ARMC2: variants seen among roughly 807,000 people sequenced by gnomAD.
ARMC2 encodes armadillo repeat containing 2.
ARMC2 carries 67 observed loss-of-function variants against 90.3 expected under a neutral mutation model. The ratio of observed to expected loss-of-function variants is 0.74; its 90% confidence interval spans 0.61 to 0.91. The LOEUF is 0.91. Ranked by LOEUF, ARMC2 falls within the 40% of genes least tolerant of loss-of-function variation. The pLI is 0.00. For synonymous variants in ARMC2, 393 were observed against 393.0 expected (o/e 1.00, Z 0.00); for missense variants, 920 against 1,030.9 (o/e 0.89, Z 1.47).
rs77667797 is a variant in ARMC2, at chr6:108,874,429, A to G, written c.464-1714A>G. Among the ~76,000 whole-genome samples the G allele has an allele frequency of 5.7e-3, 866 of 152,312 alleles. 11 individuals carry two copies. Among genetic ancestry groups the G allele is most frequent in the African/African-American group, 0.02 (831 of 41,544 alleles). The stretch of plus-strand genomic sequence containing the variant: ...TGAGAGAAACGAATGCTAAAAGATA[A>G]CGGTAGGCTAAAAATACTTTGTAAT... On this transcript the variant is annotated intron_variant, in intron 4 of 17. Coordinates refer to ENST00000392644, the MANE Select transcript of ARMC2 (RefSeq NM_032131.6).
intron 8 of ARMC2, chr6:108,907,658 G>A: frequency 6.2e-7 from 1 of 1,600,046 alleles, no homozygotes; most frequent in Non-Finnish European, 8.5e-7. Flanking sequence ...GTAGGAAAAG[G>A]AGTAGCTGAA....
At chr6:108,906,597 C>T (rs1483281405) in intron 8 of ARMC2, among the ~76,000 whole-genome samples, 2 of 152,092 alleles carry the variant, frequency 1.3e-5, no homozygotes, top group African/African-American at 2.4e-5. Flanking sequence ...CCTTCTGCCT[C>T]AGCCTCCCGA....
Position 108,945,207 on chromosome 6 carries a change from A to G in ARMC2, c.1597-7826A>G, listed in dbSNP as rs546812175. ...CGAAGGAGGGAGTGGGGTTGCTATCAGCCTTTGGGAGGCAGAGCCTGCCTC... is the reference window on the plus strand; with the variant it reads ...CGAAGGAGGGAGTGGGGTTGCTATCGGCCTTTGGGAGGCAGAGCCTGCCTC... On this transcript the variant is annotated intron_variant, in intron 12 of 17. Transcript: ENST00000392644. 1.3e-4 allele frequency among the ~76,000 whole-genome samples: 20 copies of G among 152,226 alleles called. 1 individual carries two copies. The highest frequency in any genetic ancestry group is 4.6e-4 in the African/African-American group (19 of 41,552).
intron 8 of ARMC2, chr6:108,907,482 G>GT: frequency 3.2e-6 from 1 of 308,750 alleles, no homozygotes. Flanking sequence ...TTTTTTACCA[G>GT]TCATCTTTTA....
the ARMC2 span, chr6:108,990,894 A>G: frequency 4.2e-6 from 6 of 1,421,556 alleles, no homozygotes; most frequent in Admixed American, 5.5e-5. Context: ...TTCTATATCT[A>G]TAGCTCTGTA....
the ARMC2 span, chr6:108,988,329 C>T: frequency 1.2e-4 from 50 of 405,236 alleles, no homozygotes; most frequent in Non-Finnish European, 1.8e-4. Flanking sequence ...CTTCTGAAGA[C>T]GGGCCAGCCC....
the ARMC2 span, among the ~76,000 whole-genome samples, chr6:109,020,944 C>A: frequency 6.6e-6 from 1 of 152,134 alleles, no homozygotes; most frequent in Non-Finnish European, 1.5e-5. Context: ...TAAAGTAGAA[C>A]AGTTTGCTTT....
intron 1 of ARMC2, among the ~76,000 whole-genome samples, chr6:108,851,337 TC>T (rs904624112): frequency 2.0e-5 from 3 of 152,196 alleles, no homozygotes; most frequent in Admixed American, 6.5e-5. Flanking sequence ...CCTGATGTCT[TC>T]CCCCAATCAG....
chr6:108,892,920 A>G (rs937202428), intron 5 of ARMC2, among the ~76,000 whole-genome samples: 2 of 152,254 alleles, frequency 1.3e-5, no homozygotes, highest in Non-Finnish European at 2.9e-5. Flanking sequence ...CCACGGGCAC[A>G]TACAGATGTT....
chr6:109,000,467 A>C, the ARMC2 span: 1 of 1,464,888 alleles, frequency 6.8e-7, no homozygotes, highest in Admixed American at 2.3e-5. Context: ...AATGACTCCC[A>C]AGATATATTA....
the ARMC2 span, among the ~76,000 whole-genome samples, chr6:109,034,608 A>G: frequency 1.3e-5 from 2 of 152,214 alleles, no homozygotes; most frequent in Non-Finnish European, 2.9e-5. Flanking sequence ...TGAAGACCAT[A>G]TTATCCAGCT....
chr6:108,858,905 A>T (rs985318739), intron 3 of ARMC2, among the ~76,000 whole-genome samples: 1 of 152,156 alleles, frequency 6.6e-6, no homozygotes, highest in Non-Finnish European at 1.5e-5. Context: ...ACTTCTAAGG[A>T]AGATGAAGAT....
the ARMC2 span, among the ~76,000 whole-genome samples, chr6:108,991,154 C>T: frequency 6.6e-6 from 1 of 152,186 alleles, no homozygotes; most frequent in African/African-American, 2.4e-5. Flanking sequence ...CACTCAGCCC[C>T]CCAGATGTGA....
chr6:108,996,468 C>A, the ARMC2 span, among the ~76,000 whole-genome samples: 1 of 152,138 alleles, frequency 6.6e-6, no homozygotes, highest in Non-Finnish European at 1.5e-5. Flanking sequence ...TCTCTGTCAA[C>A]TCACATTATC....
intron 5 of ARMC2, among the ~76,000 whole-genome samples, chr6:108,891,037 T>C (rs1416898037): frequency 1.3e-5 from 2 of 151,866 alleles, no homozygotes; most frequent in Non-Finnish European, 2.9e-5. Flanking sequence ...TTGCTGAGAA[T>C]GATGGTTTCC....
chr6:108,942,128 C>T (rs1776491404), intron 12 of ARMC2, among the ~76,000 whole-genome samples: 1 of 152,156 alleles, frequency 6.6e-6, no homozygotes, highest in Admixed American at 6.5e-5. Flanking sequence ...TCCTAAACAA[C>T]ACAGACTTTG....
At chr6:108,994,472 GACAA>G in the ARMC2 span, 2 of 1,611,658 alleles carry the variant, frequency 1.2e-6, no homozygotes, top group Non-Finnish European at 8.5e-7. Context: ...CTGAAGAGAA[GACAA>G]ACATACTCTC....
intron 1 of ARMC2, among the ~76,000 whole-genome samples, chr6:108,848,989 TAAG>T (rs1022895148): frequency 1.3e-5 from 2 of 152,146 alleles, no homozygotes; most frequent in African/African-American, 2.4e-5. Context: ...TGGTGCTTAA[TAAG>T]AAGCCCAGTA....
chr6:109,029,360 T>C, the ARMC2 span, among the ~76,000 whole-genome samples: 2 of 152,226 alleles, frequency 1.3e-5, no homozygotes, highest in East Asian at 1.9e-4. Context: ...TTTATGGCAA[T>C]TGTACTATTC....
Sources: gnomAD v4.1 joint callset for allele counts (sites outside exome capture counted in the v4.1 genomes callset) on GRCh38, gnomAD v4.1.1 for gene constraint, MANE v1.5 for transcripts, NCBI Gene and HGNC (gene_info 2026-07-23, HGNC 2026-07-21) for gene names.